CHD6: variants seen among roughly 807,000 people sequenced by gnomAD.
CHD6 encodes chromodomain helicase DNA binding protein 6.
CHD6 carries 50 observed loss-of-function variants against 276.9 expected under a neutral mutation model. The observed-to-expected ratio is 0.18, with a 90% CI of 0.14 to 0.23. The LOEUF (loss-of-function observed/expected upper bound fraction) is 0.23. CHD6 is among the 10% of genes least tolerant of loss of function. The probability of loss-of-function intolerance (pLI) is 1.00; values close to 1 mark genes in which losing one functional copy is unlikely to be tolerated. For missense variants in CHD6, 2,564 were observed against 3,365.8 expected, an observed-to-expected ratio of 0.76 and a Z score of 5.89; for synonymous variants, 1,173 against 1,229.3, an observed-to-expected ratio of 0.95 and a Z score of 0.96.
intron 36 of CHD6, among the ~76,000 whole-genome samples, chr20:41,410,868 A>C (rs2046821372): frequency 6.6e-6 from 1 of 152,118 alleles, no homozygotes; most frequent in Non-Finnish European, 1.5e-5. Flanking sequence ...GACTACAACA[A>C]AGCAAGAACC....
At chr20:41,504,636 C>G (rs1339374294) in intron 5 of CHD6, among the ~76,000 whole-genome samples, 1 of 152,072 alleles carries the variant, frequency 6.6e-6, no homozygotes, top group East Asian at 1.9e-4. Context: ...CCTCGAAATT[C>G]TAAGCTCAAA....
chr20:41,583,240 C>T (rs951589537), intron 1 of CHD6, among the ~76,000 whole-genome samples: 2 of 151,886 alleles, frequency 1.3e-5, no homozygotes, highest in Non-Finnish European at 2.9e-5. Flanking sequence ...AGTTAAATAG[C>T]TAAAAATCAA....
Position 41,452,271 on chromosome 20 carries a change from G to A in CHD6, c.3324-246C>T, listed in dbSNP as rs1355603045. 6.6e-6 allele frequency among the ~76,000 whole-genome samples: 1 copy of A among 152,220 alleles called. No individual in the cohort carries two copies. The highest frequency in any genetic ancestry group is 1.5e-5 in the Non-Finnish European group (1 of 68,042). ...TATGGCCACTACAATGTTAAAAAGG[G>A]AGGGACCAAACTACTGGGAGCAGGG... On this transcript the variant is annotated intron_variant, in intron 21 of 36. Transcript: ENST00000373233. The surrounding 1 kb of genome is among the most constrained non-coding windows in gnomAD (Gnocchi z 4.2).
intron 1 of CHD6, among the ~76,000 whole-genome samples, chr20:41,615,962 T>G (rs773611758): frequency 5.3e-5 from 8 of 152,272 alleles, no homozygotes; most frequent in Non-Finnish European, 1.2e-4. Context: ...CGCCTGTTGT[T>G]TCTGATAGGT....
intron 1 of CHD6, chr20:41,563,873 C>A: frequency 1.7e-6 from 1 of 572,812 alleles, no homozygotes; most frequent in East Asian, 2.9e-5. Flanking sequence ...CCTGAAAATT[C>A]AAGTCATAAT....
intron 5 of CHD6, among the ~76,000 whole-genome samples, chr20:41,501,966 T>C (rs536447884): frequency 3.9e-5 from 6 of 152,304 alleles, no homozygotes; most frequent in Non-Finnish European, 7.4e-5. Context: ...CCTATTCAAG[T>C]CATTTGCCTA....
intron 17 of CHD6, among the ~76,000 whole-genome samples, chr20:41,470,879 A>G (rs918456620): frequency 5.9e-5 from 9 of 152,258 alleles, no homozygotes; most frequent in African/African-American, 2.2e-4. Flanking sequence ...AGCTGTTGCC[A>G]GCCCCATGCT....
rs563139466 is a variant in CHD6, at chr20:41,488,926, G to C, written c.1681-322C>G. On this transcript the variant is annotated intron_variant, in intron 12 of 36. Transcript: ENST00000373233. ...GAAATCAGATAGGTGTTGTTCACAA[G>C]TCCCCAGCCAGGAGTCCATCTAAAC... Among the ~76,000 whole-genome samples the C allele has an allele frequency of 4.6e-5, 7 of 152,306 alleles. No homozygotes were observed. In the South Asian group the frequency reaches 1.4e-3, roughly 32 times the overall value.
At chr20:41,436,534 A>G (rs1029928917) in intron 27 of CHD6, among the ~76,000 whole-genome samples, 2 of 152,256 alleles carry the variant, frequency 1.3e-5, no homozygotes, top group Non-Finnish European at 2.9e-5. Context: ...CAGAGAAATG[A>G]AAATGTATGT....
chr20:41,409,815 G>C (rs1045735422), intron 36 of CHD6, among the ~76,000 whole-genome samples: 1 of 152,176 alleles, frequency 6.6e-6, no homozygotes, highest in African/African-American at 2.4e-5. Context: ...ATTTAGGGGT[G>C]ATATGTCATG....
intron 31 of CHD6, among the ~76,000 whole-genome samples, chr20:41,420,151 T>C (rs1268095645): frequency 1.3e-5 from 2 of 152,200 alleles, no homozygotes; most frequent in Non-Finnish European, 2.9e-5. Flanking sequence ...GTTCCTAACA[T>C]CCCAAGGCTG....
In CHD6 at chr20:41,402,788, C is replaced by T. The variant is rs2046568971; in HGVS notation, c.*1805G>A. ...CTTTCTGCTTCCACTGGAGGCAAAA[C>T]TGAACAAAATGTTAGTTAAATAGAG... On this transcript the variant is annotated 3_prime_UTR_variant, in exon 37 of 37. Transcript: ENST00000373233. The T allele has an allele frequency of 4.8e-6, 1 of 210,180 alleles. No individual in the cohort carries two copies. Among genetic ancestry groups the T allele is most frequent in the Non-Finnish European group, 9.7e-6 (1 of 103,502 alleles). 13.0% of individuals were successfully genotyped at this position (210,180 alleles called of 1,614,324 possible).
At chr20:41,433,219 AATGCTT>A (rs1394225372) in intron 27 of CHD6, among the ~76,000 whole-genome samples, 3 of 152,214 alleles carry the variant, frequency 2.0e-5, no homozygotes, top group Non-Finnish European at 4.4e-5. Flanking sequence ...CATGGCTGAG[AATGCTT>A]CACATTTAGC....
chr20:41,455,817 C>T lies in CHD6; in HGVS notation c.2992G>A (p.Gly998Arg). ...CCCTGTACCTTGGCAAAAGTGGACCCTTTCCCCTCAGACTGGATGGTGATG... is the reference window on the plus strand; with the variant it reads ...CCCTGTACCTTGGCAAAAGTGGACCTTTTCCCCTCAGACTGGATGGTGATG... ...HTITIQSEGK[G>R]STFAKASFVA... is the part of the protein sequence containing the mutation. The change falls in exon 19 of 37, where the codon GGG becomes AGG. Residue 998 changes from glycine (G) to arginine (R), a missense_variant. By Grantham distance (125) the Gly-to-Arg change is moderately radical (BLOSUM62 -2). Coordinates refer to ENST00000373233, the MANE Select transcript of CHD6 (RefSeq NM_032221.5). 2 of 1,593,260 alleles carry T rather than the reference C, an allele frequency of 1.3e-6. No homozygotes were observed. The highest frequency in any genetic ancestry group is 1.1e-5 in the South Asian group (1 of 87,276).
At chr20:41,559,601 ATCC>A (rs909457461) in intron 1 of CHD6, among the ~76,000 whole-genome samples, 2 of 152,078 alleles carry the variant, frequency 1.3e-5, no homozygotes, top group African/African-American at 2.4e-5. Context: ...CCTCCCTAGA[ATCC>A]TCCTATTATA....
rs559441222 is a variant in CHD6, at chr20:41,458,580, A to T, written c.2665-1152T>A. On this transcript the variant is annotated intron_variant, in intron 17 of 36. Coordinates refer to ENST00000373233, the MANE Select transcript of CHD6 (RefSeq NM_032221.5). ...TGGTTAGGTGTATATGTATATATAC[A>T]CACATATACATACACATACTCACAC... 2.0e-5 allele frequency among the ~76,000 whole-genome samples: 3 copies of T among 152,266 alleles called. No homozygotes were observed. In the East Asian group the frequency reaches 5.8e-4, roughly 29 times the overall value.
intron 1 of CHD6, among the ~76,000 whole-genome samples, chr20:41,570,610 T>A (rs1402421532): frequency 1.3e-5 from 2 of 152,244 alleles, no homozygotes; most frequent in African/African-American, 4.8e-5. Context: ...CTCAGCCTTC[T>A]GTGATATGTT....
chr20:41,585,616 G>A (rs1221295513), intron 1 of CHD6, among the ~76,000 whole-genome samples: 5 of 151,862 alleles, frequency 3.3e-5, no homozygotes, highest in South Asian at 4.2e-4. Flanking sequence ...AACTCCAGGC[G>A]CAGATGACTT....
intron 5 of CHD6, 142 bp from the exon 6 acceptor site, chr20:41,499,499 TG>T (rs2043780038): frequency 3.2e-6 from 2 of 628,762 alleles, no homozygotes; most frequent in Non-Finnish European, 5.3e-6. Flanking sequence ...GGCCACAGAG[TG>T]GTCAAAAGGT....
Sources: gnomAD v4.1 joint callset for allele counts (sites outside exome capture counted in the v4.1 genomes callset) on GRCh38, gnomAD v4.1.1 for gene constraint, Gnocchi (gnomAD v3.1) non-coding constraint, MANE v1.5 for transcripts, NCBI Gene and HGNC (gene_info 2026-07-23, HGNC 2026-07-21) for gene names.